CYB5B: variants seen among roughly 807,000 people sequenced by gnomAD.
CYB5B encodes cytochrome b5 type B.
Under a neutral mutation model 21.3 loss-of-function variants are expected in CYB5B, and 14 were observed. That is an observed-to-expected ratio of 0.66 (90% CI 0.43 to 1.03). CYB5B has a LOEUF of 1.03. CYB5B is among the 50% of genes least tolerant of loss of function. The pLI is 0.00. For synonymous variants in CYB5B, 69 were observed against 68.4 expected, an observed-to-expected ratio of 1.01 and a Z score of -0.04; for missense variants, 166 against 185.1, an observed-to-expected ratio of 0.90 and a Z score of 0.60.
At chr16:69,437,362 C>T (rs942812646) in intron 1 of CYB5B, among the ~76,000 whole-genome samples, 1 of 151,938 alleles carries the variant, frequency 6.6e-6, no homozygotes, top group Non-Finnish European at 1.5e-5. Context: ...GGTTTAAATA[C>T]AAAGCAAATC....
At chr16:69,443,579 G>C (rs1325515650) in intron 1 of CYB5B, 1 of 152,750 alleles carries the variant, frequency 6.5e-6, no homozygotes, top group Non-Finnish European at 1.5e-5. Context: ...GGTCGGCCGG[G>C]TGCAGTGGCT....
At chr16:69,461,094 C>T (rs771011528) in intron 4 of CYB5B, among the ~76,000 whole-genome samples, 3 of 151,872 alleles carry the variant, frequency 2.0e-5, no homozygotes, top group African/African-American at 4.8e-5. Flanking sequence ...GGGTGGATCA[C>T]GAGGACGGGC....
rs559522051 is a variant in CYB5B at position 69,455,545 on chromosome 16, T to C, written c.334-3548T>C. 7.8e-4 allele frequency among the ~76,000 whole-genome samples: 118 copies of C among 151,780 alleles called. 3 individuals are homozygous for C. The South Asian group carries it at 0.023, about 30-fold the overall frequency. On this transcript the variant is annotated intron_variant, in intron 3 of 4. Transcript: ENST00000307892. ...GCCTCAGCCTCCTGAGTAGCTGGGA[T>C]TACAGGCACACACTGCCATGCCCAG...
chr16:69,439,506 G>T (rs1362290747), intron 1 of CYB5B, among the ~76,000 whole-genome samples: 1 of 150,720 alleles, frequency 6.6e-6, no homozygotes. Flanking sequence ...ACCACGCCCG[G>T]CCTGTTTCTT....
intron 1 of CYB5B, among the ~76,000 whole-genome samples, chr16:69,439,156 G>A (rs2014793809): frequency 6.6e-6 from 1 of 152,100 alleles, no homozygotes; most frequent in South Asian, 2.1e-4. Flanking sequence ...TGTGGGGTAG[G>A]GGTTCAACCT....
intron 1 of CYB5B, among the ~76,000 whole-genome samples, chr16:69,434,872 A>C (rs1192010930): frequency 1.3e-5 from 2 of 151,662 alleles, no homozygotes; most frequent in African/African-American, 4.8e-5. Context: ...CAAAAAAAAA[A>C]AAAAAAAAAT....
At position 69,465,197 on chromosome 16, in the gene CYB5B, AGCT is replaced by A. The variant is rs762583208; in HGVS notation, c.*2698_*2700del. On this transcript the variant is annotated 3_prime_UTR_variant, in exon 5 of 5. Transcript: ENST00000307892. ...CGGTTGTTTATTCCTGAGGAAGACT[AGCT>A]GCTGCTGCTGCTGCTGCTGCAAACT... The A allele has an allele frequency of 4.4e-4, 70 of 157,402 alleles. No homozygotes were observed. Among genetic ancestry groups the A allele is most frequent in the Admixed American group, 7.8e-4 (12 of 15,346 alleles). The allele number at this position is 157,402 out of a possible 1,614,324, so 9.8% of individuals were successfully genotyped here.
chr16:69,454,916 C>CA (rs573750679), intron 3 of CYB5B, among the ~76,000 whole-genome samples: 8 of 152,078 alleles, frequency 5.3e-5, no homozygotes, highest in Non-Finnish European at 1.0e-4. Context: ...GTTTTTGAGA[C>CA]AGAGTGTCAC....
chr16:69,456,201 A>C (rs1256723677), intron 3 of CYB5B, among the ~76,000 whole-genome samples: 1 of 152,108 alleles, frequency 6.6e-6, no homozygotes, highest in East Asian at 1.9e-4. Context: ...GTACAGTGGC[A>C]CAATCCTAGC....
At chr16:69,434,141 C>T (rs1206635168) in intron 1 of CYB5B, among the ~76,000 whole-genome samples, 1 of 152,176 alleles carries the variant, frequency 6.6e-6, no homozygotes, top group African/African-American at 2.4e-5. Context: ...ATAGTACGTA[C>T]TCTTCTGTCT....
chr16:69,436,304 A>G (rs2014759429), intron 1 of CYB5B, among the ~76,000 whole-genome samples: 1 of 152,226 alleles, frequency 6.6e-6, no homozygotes, highest in African/African-American at 2.4e-5. Flanking sequence ...ATTGTGATAC[A>G]TAAATATCAT....
chr16:69,429,150 T>C (rs867395687), intron 1 of CYB5B, among the ~76,000 whole-genome samples: 7 of 152,168 alleles, frequency 4.6e-5, no homozygotes, highest in African/African-American at 1.2e-4. Flanking sequence ...GTTTTTGGTC[T>C]CTCTGACTTG....
chr16:69,429,684 C>T (rs1331768350), intron 1 of CYB5B, among the ~76,000 whole-genome samples: 1 of 151,946 alleles, frequency 6.6e-6, no homozygotes, highest in Admixed American at 6.6e-5. Context: ...ATGGAAGAGC[C>T]AATAGGATTT....
At chr16:69,460,376 A>C (rs7187262) in intron 4 of CYB5B, among the ~76,000 whole-genome samples, 16,167 of 152,284 alleles carry the variant, frequency 0.11, 957 homozygotes, top group South Asian at 0.19. Flanking sequence ...TATGAGAAAA[A>C]GATTTAAGCA....
At chr16:69,430,337 TCC>T (rs2014692814) in intron 1 of CYB5B, among the ~76,000 whole-genome samples, 2 of 151,988 alleles carry the variant, frequency 1.3e-5, no homozygotes, top group African/African-American at 2.4e-5. Flanking sequence ...CGCCTCAGCC[TCC>T]CAGGTAGCTG....
intron 1 of CYB5B, among the ~76,000 whole-genome samples, chr16:69,431,528 T>G (rs1303726825): frequency 6.6e-6 from 1 of 151,722 alleles, no homozygotes; most frequent in Non-Finnish European, 1.5e-5. Context: ...TCCCAGCACT[T>G]TGGGAAGCCA....
intron 1 of CYB5B, among the ~76,000 whole-genome samples, chr16:69,426,769 A>G (rs575889592): frequency 4.7e-5 from 7 of 149,768 alleles, no homozygotes; most frequent in Admixed American, 4.0e-4. Context: ...TAACAGAGGT[A>G]CAAGTAACAG....
chr16:69,426,137 C>T (rs563860789), intron 1 of CYB5B, among the ~76,000 whole-genome samples: 1 of 152,288 alleles, frequency 6.6e-6, no homozygotes, highest in South Asian at 2.1e-4. Flanking sequence ...CGGTGGCTCA[C>T]GCCTGTAATC....
At chr16:69,447,048 T>G in intron 1 of CYB5B, 102 bp from the exon 2 acceptor site, 1 of 1,364,596 alleles carries the variant, frequency 7.3e-7, no homozygotes, top group Non-Finnish European at 1.0e-6. Flanking sequence ...TTTGTTCCAT[T>G]ATTTCTATTA....
Sources: allele counts gnomAD v4.1 joint callset (sites outside exome capture counted in the v4.1 genomes callset), GRCh38; gene constraint gnomAD v4.1.1; transcripts MANE v1.5; gene names NCBI Gene and HGNC (gene_info 2026-07-23, HGNC 2026-07-21).